Variants in EFNA5 observed in about 807,000 individuals in gnomAD.
The protein encoded by EFNA5 is ephrin A5.
EFNA5 carries 5 observed loss-of-function variants against 22.9 expected under a neutral mutation model. That is an observed-to-expected ratio of 0.22 (90% CI 0.11 to 0.46). EFNA5 has a LOEUF of 0.46. Among genes scored for constraint, EFNA5 ranks in the 20% least tolerant of loss-of-function variants. EFNA5 has a pLI of 0.99. For missense variants in EFNA5, 237 were observed against 293.3 expected (o/e 0.81, Z 1.40); for synonymous variants, 113 against 112.2 (o/e 1.01, Z -0.04).
At chr5:107,413,737 G>C (rs1329417736) in intron 2 of EFNA5, among the ~76,000 whole-genome samples, 1 of 151,944 alleles carries the variant, frequency 6.6e-6, no homozygotes, top group Non-Finnish European at 1.5e-5. Context: ...AACCCTAAAG[G>C]GTTCTATGGT....
intron 1 of EFNA5, among the ~76,000 whole-genome samples, chr5:107,523,742 T>C (rs1747641774): frequency 1.3e-5 from 2 of 152,222 alleles, no homozygotes; most frequent in African/African-American, 2.4e-5. Context: ...ATAAATCCCT[T>C]TGTAATAACA....
chr5:107,526,990 C>G (rs1191810322), intron 1 of EFNA5, among the ~76,000 whole-genome samples: 3 of 152,142 alleles, frequency 2.0e-5, no homozygotes, highest in Admixed American at 6.5e-5. Flanking sequence ...TACAGAATAA[C>G]CAACCATATT....
chr5:107,614,040 C>T (rs1457572757), intron 1 of EFNA5, among the ~76,000 whole-genome samples: 1 of 152,166 alleles, frequency 6.6e-6, no homozygotes, highest in African/African-American at 2.4e-5. Flanking sequence ...CGTCCTAGAA[C>T]CTGTTCCTAC....
At chr5:107,628,198 G>C (rs1327460695) in intron 1 of EFNA5, among the ~76,000 whole-genome samples, 3 of 152,098 alleles carry the variant, frequency 2.0e-5, no homozygotes, top group Admixed American at 1.3e-4. Context: ...ACAGCTAGTG[G>C]AAGATAATTG....
chr5:107,431,350 A>C (rs997920085), intron 1 of EFNA5, among the ~76,000 whole-genome samples: 4 of 152,178 alleles, frequency 2.6e-5, no homozygotes, highest in African/African-American at 7.2e-5. Context: ...TTTTGCCTTA[A>C]TATATCAAAT....
intron 1 of EFNA5, among the ~76,000 whole-genome samples, chr5:107,669,753 T>G (rs1439450201): frequency 6.6e-6 from 1 of 152,038 alleles, no homozygotes. Flanking sequence ...CTCGGCCAAC[T>G]CTGGCAGCTT....
chr5:107,477,897 T>G (rs1250347015), intron 1 of EFNA5, among the ~76,000 whole-genome samples: 4 of 152,238 alleles, frequency 2.6e-5, no homozygotes, highest in Admixed American at 6.5e-5. Context: ...CCCCTTGGTT[T>G]TGAAACTCAC....
At position 107,419,357 on chromosome 5, in the gene EFNA5, G is replaced by A. The variant is rs1325778678; in HGVS notation, c.418+7860C>T. On this transcript the variant is annotated intron_variant, in intron 2 of 4. Coordinates refer to ENST00000333274, the MANE Select transcript of EFNA5 (RefSeq NM_001962.3). ...AAACTCATTCTTTAAATAAAAAGGT[G>A]CATTATTGCAGCTTCACTAAAGACC... is the stretch of plus-strand genomic sequence containing the variant. Among the ~76,000 whole-genome samples, 3 of 152,248 alleles carry A rather than the reference G, an allele frequency of 2.0e-5. No homozygotes were observed. In the East Asian group the frequency reaches 5.8e-4, roughly 29 times the overall value.
chr5:107,670,019 A>T (rs1328653149), intron 1 of EFNA5, among the ~76,000 whole-genome samples: 1 of 116,592 alleles, frequency 8.6e-6, no homozygotes, highest in Non-Finnish European at 1.7e-5. Flanking sequence ...AAGAGAAGGG[A>T]AAATTAAAAT....
chr5:107,526,341 G>A (rs1313146586), intron 1 of EFNA5, among the ~76,000 whole-genome samples: 2 of 152,214 alleles, frequency 1.3e-5, no homozygotes, highest in African/African-American at 2.4e-5. Context: ...TAGGTCTACA[G>A]TGAGAGTTAT....
intron 1 of EFNA5, among the ~76,000 whole-genome samples, chr5:107,575,743 T>G (rs958632185): frequency 6.6e-6 from 1 of 152,110 alleles, no homozygotes; most frequent in African/African-American, 2.4e-5. Flanking sequence ...ATGAAAAGAT[T>G]TGGTAAAAAT....
At chr5:107,495,977 T>C (rs944958640) in intron 1 of EFNA5, among the ~76,000 whole-genome samples, 1 of 151,954 alleles carries the variant, frequency 6.6e-6, no homozygotes, top group Non-Finnish European at 1.5e-5. Context: ...TCCTGACTGC[T>C]TGTCCAGGCC....
chr5:107,623,680 C>T (rs1750086017), intron 1 of EFNA5, among the ~76,000 whole-genome samples: 1 of 144,536 alleles, frequency 6.9e-6, no homozygotes, highest in African/African-American at 2.5e-5. Context: ...CTTCCAAAAA[C>T]ATTTTTTAAA....
chr5:107,484,888 C>A (rs749338777), intron 1 of EFNA5, among the ~76,000 whole-genome samples: 1 of 146,320 alleles, frequency 6.8e-6, no homozygotes, highest in East Asian at 2.0e-4. Flanking sequence ...AAAAGAAACA[C>A]ATCTTAAAAA....
intron 2 of EFNA5, among the ~76,000 whole-genome samples, chr5:107,424,876 A>G (rs1365384555): frequency 6.6e-6 from 1 of 152,198 alleles, no homozygotes; most frequent in Non-Finnish European, 1.5e-5. Context: ...TACTAAAAAG[A>G]CAGGGAAGGA....
intron 1 of EFNA5, among the ~76,000 whole-genome samples, chr5:107,452,489 TGA>T (rs1749587199): frequency 6.6e-6 from 1 of 152,066 alleles, no homozygotes; most frequent in Non-Finnish European, 1.5e-5. Context: ...TTCGGGAGGC[TGA>T]GACTAGAGGA....
chr5:107,394,080 A>G (rs1282768277), intron 2 of EFNA5, among the ~76,000 whole-genome samples: 5 of 152,182 alleles, frequency 3.3e-5, no homozygotes, highest in Non-Finnish European at 7.4e-5. Flanking sequence ...ATTTTCATAC[A>G]AAGCATTTTC....
intron 1 of EFNA5, among the ~76,000 whole-genome samples, chr5:107,595,361 A>G (rs550780466): frequency 3.9e-5 from 6 of 152,184 alleles, no homozygotes; most frequent in Non-Finnish European, 8.8e-5. Context: ...GGGGCTCACT[A>G]TGAAACAAAT....
intron 1 of EFNA5, among the ~76,000 whole-genome samples, chr5:107,628,369 G>C (rs1333376761): frequency 6.6e-6 from 1 of 152,078 alleles, no homozygotes; most frequent in East Asian, 1.9e-4. Flanking sequence ...TAATACTTTA[G>C]ACAGTTCCTG....
Sources: gnomAD v4.1 joint callset for allele counts (sites outside exome capture counted in the v4.1 genomes callset) on GRCh38, gnomAD v4.1.1 for gene constraint, MANE v1.5 for transcripts, NCBI Gene and HGNC (gene_info 2026-07-23, HGNC 2026-07-21) for gene names.